Variants in FYB1 observed in about 807,000 individuals in gnomAD.
FYB1 encodes FYN-binding protein 1.
In FYB1, 41 loss-of-function variants were observed where a neutral mutation model predicts 94.1. That is an observed-to-expected ratio of 0.44 (90% CI 0.34 to 0.57). The LOEUF (loss-of-function observed/expected upper bound fraction) is 0.57. Ranked by LOEUF, FYB1 falls within the 20% of genes least tolerant of loss-of-function variation. The pLI is 0.02. For synonymous variants in FYB1, 367 were observed against 353.2 expected (o/e 1.04, Z -0.44); for missense variants, 1,050 against 976.8 (o/e 1.07, Z -1.00).
rs1750132867 is a variant in FYB1, at chr5:39,219,553, T to C, written c.-138A>G. ...GTCGCATCTGCTCTGCATGTGGAACTCAAGAACTGCGGAGCTTTCTGATGC... is the reference window on the plus strand; with the variant it reads ...GTCGCATCTGCTCTGCATGTGGAACCCAAGAACTGCGGAGCTTTCTGATGC... On this transcript the variant is annotated 5_prime_UTR_variant, in exon 1 of 19. Coordinates refer to ENST00000512982, the MANE Select transcript of FYB1 (RefSeq NM_001465.6). 1 of 985,314 alleles carries C rather than the reference T, an allele frequency of 1.0e-6. No homozygotes were observed. 61.0% of individuals were successfully genotyped at this position (985,314 alleles called of 1,614,324 possible).
intron 6 of FYB1, 120 bp downstream of exon 6, chr5:39,138,537 G>C (rs1490654716): frequency 7.6e-6 from 4 of 528,760 alleles, no homozygotes; most frequent in Non-Finnish European, 1.3e-5. Context: ...GTTATTATAC[G>C]CCAGTCATTT....
At chr5:39,247,414 CAAAT>C (rs1299352853) in intron 1 of FYB1, among the ~76,000 whole-genome samples, 1 of 151,904 alleles carries the variant, frequency 6.6e-6, no homozygotes, top group Non-Finnish European at 1.5e-5. Flanking sequence ...TACGTATGCA[CAAAT>C]AGAGTCCAAT....
rs767389550 is a variant in FYB1, at chr5:39,138,745, C to T, written c.1360-54G>A. The T allele has an allele frequency of 2.8e-5, 28 of 1,014,016 alleles. 1 individual carries two copies. Among genetic ancestry groups the T allele is most frequent in the Non-Finnish European group, 4.1e-5 (27 of 665,126 alleles). 62.8% of individuals were successfully genotyped at this position (1,014,016 alleles called of 1,614,324 possible). The stretch of plus-strand genomic sequence containing the variant: ...ATTTTTATTATTTAAAAAGTTGACA[C>T]ACATATTACATTGCTTAGACTTAAA... On this transcript the variant is annotated intron_variant, in intron 5 of 18. Transcript: ENST00000512982.
chr5:39,138,041 C>G (rs554874462), intron 6 of FYB1: 3 of 329,260 alleles, frequency 9.1e-6, no homozygotes, highest in African/African-American at 6.6e-5. Flanking sequence ...CTTTCATATG[C>G]ACACGTGCCT....
Position 39,124,275 on chromosome 5 carries a change from G to A in FYB1, c.2049C>T (p.Phe683=), listed in dbSNP as rs773514608. 4 of 1,553,360 alleles carry A rather than the reference G, an allele frequency of 2.6e-6. No homozygotes were observed. The Admixed American group carries it at 6.4e-5, about 25-fold the overall frequency. The change falls in exon 13 of 19, where the codon TTC becomes TTT. Residue 683 remains phenylalanine, a synonymous_variant. Coordinates refer to ENST00000512982, the MANE Select transcript of FYB1 (RefSeq NM_001465.6). ...SDSDNNEGSS[F]PAPPKQLDMG... Reference sequence around the variant, plus strand: ...TACCCAATTGTTTAGGAGGAGCAGGGAAACTACAAAGAAAGTGAGAACACA... The same window carrying A: ...TACCCAATTGTTTAGGAGGAGCAGGAAAACTACAAAGAAAGTGAGAACACA...
intron 1 of FYB1, among the ~76,000 whole-genome samples, chr5:39,229,449 G>A (rs891385568): frequency 5.9e-5 from 9 of 152,190 alleles, no homozygotes; most frequent in African/African-American, 1.7e-4. Context: ...CACCTGAACT[G>A]TGTCCATTTC....
intron 2 of FYB1, among the ~76,000 whole-genome samples, chr5:39,186,806 G>T (rs546151395): frequency 6.6e-6 from 1 of 151,828 alleles, no homozygotes; most frequent in African/African-American, 2.4e-5. Context: ...CTTTCTTTAT[G>T]ATGTACTAGG....
intron 1 of FYB1, among the ~76,000 whole-genome samples, chr5:39,217,753 C>T (rs1579717717): frequency 6.6e-6 from 1 of 152,184 alleles, no homozygotes; most frequent in African/African-American, 2.4e-5. Context: ...CAGCGAGCCA[C>T]GGTTCACTCT....
intron 2 of FYB1, among the ~76,000 whole-genome samples, chr5:39,201,195 T>C (rs182949314): frequency 2.8e-4 from 43 of 152,332 alleles, no homozygotes; most frequent in African/African-American, 1.0e-3. Flanking sequence ...GGAAACATGA[T>C]GAATTGTGTG....
chr5:39,270,730 A>T (rs1259205144), intron 1 of FYB1: 1 of 543,732 alleles, frequency 1.8e-6, no homozygotes, highest in African/African-American at 1.9e-5. Context: ...CTACATTTGC[A>T]TGTTATCTCA....
intron 2 of FYB1, among the ~76,000 whole-genome samples, chr5:39,161,978 C>T (rs1349123262): frequency 6.6e-6 from 1 of 152,182 alleles, no homozygotes; most frequent in East Asian, 1.9e-4. Flanking sequence ...TAGTTTCTTT[C>T]ACTTAGTTGT....
Position 39,202,801 on chromosome 5 carries a change from C to T in FYB1, c.160G>A (p.Val54Ile). The T allele has an allele frequency of 1.9e-6, 3 of 1,613,936 alleles. No homozygotes were observed. Among genetic ancestry groups the T allele is most frequent in the Non-Finnish European group, 2.5e-6 (3 of 1,179,884 alleles). ...GGCTTTGGGGACCCAAACTTAGGTA[C>T]ATTGCTGGGTCCTGCAGGAGGGCTG... ...NASPPAGPSN[V>I]PKFGSPKPPV... Residue 54 changes from valine to isoleucine, a missense_variant, in exon 2 of 19, where the codon GTA (valine) becomes ATA (isoleucine). By Grantham distance (29) the Val-to-Ile change is conservative (BLOSUM62 3). Transcript: ENST00000512982.
At chr5:39,221,909 G>A (rs945500866), upstream of FYB1, among the ~76,000 whole-genome samples, 1 of 152,102 alleles carries the variant, frequency 6.6e-6, no homozygotes, top group Non-Finnish European at 1.5e-5. Flanking sequence ...GCTGAGGCAG[G>A]AGAATTGCTG....
intron 3 of FYB1, 46 bp from the exon 4 acceptor site, chr5:39,141,187 C>T (rs1742152551): frequency 3.3e-6 from 4 of 1,225,062 alleles, no homozygotes; most frequent in Non-Finnish European, 4.7e-6. Context: ...CAAGTAGATG[C>T]TCACCTTACA....
intron 1 of FYB1, among the ~76,000 whole-genome samples, chr5:39,247,070 TCATATA>T (rs1397734318): frequency 1.8e-5 from 1 of 54,778 alleles, no homozygotes; most frequent in African/African-American, 7.1e-5. Flanking sequence ...AAATGCGTGT[TCATATA>T]TATATATATA....
At chr5:39,167,482 T>C (rs1429031058) in intron 2 of FYB1, among the ~76,000 whole-genome samples, 1 of 152,240 alleles carries the variant, frequency 6.6e-6, no homozygotes, top group African/African-American at 2.4e-5. Flanking sequence ...CCTTTGTATG[T>C]ATGCACAGGA....
At chr5:39,248,093 C>T (rs1015980709) in intron 1 of FYB1, among the ~76,000 whole-genome samples, 10 of 151,980 alleles carry the variant, frequency 6.6e-5, no homozygotes, top group African/African-American at 2.2e-4. Context: ...GGTGGAAGCA[C>T]TCCACAGCAG....
rs545272672 is a variant in FYB1 at position 39,194,927 on chromosome 5, C to T, written c.1135+6899G>A. Among the ~76,000 whole-genome samples, 88 of 152,166 alleles carry T rather than the reference C, an allele frequency of 5.8e-4. 1 individual carries two copies. Among genetic ancestry groups the T allele is most frequent in the Non-Finnish European group, 9.0e-4 (61 of 67,994 alleles). ...GAGGGTGGGTGGAATAAATTGGGCT[C>T]GGGCTGGAGTAAAAAGAAGAGTGAC... On this transcript the variant is annotated intron_variant, in intron 2 of 18. Transcript: ENST00000512982.
intron 2 of FYB1, among the ~76,000 whole-genome samples, chr5:39,190,822 T>C (rs1227035075): frequency 6.8e-6 from 1 of 148,136 alleles, no homozygotes. Context: ...GTTACACACA[T>C]ACATCTCACA....
Sources: gnomAD v4.1 joint callset for allele counts (sites outside exome capture counted in the v4.1 genomes callset) on GRCh38, gnomAD v4.1.1 for gene constraint, MANE v1.5 for transcripts, NCBI Gene and HGNC (gene_info 2026-07-23, HGNC 2026-07-21) for gene names.